NEGR1: variants seen among roughly 807,000 people sequenced by gnomAD.
NEGR1 encodes the protein IgLON family member 4.
A neutral mutation model predicts 40.9 loss-of-function variants in NEGR1; 10 were observed. The ratio of observed to expected loss-of-function variants is 0.24; its 90% confidence interval spans 0.15 to 0.42. NEGR1 has a LOEUF of 0.42. NEGR1 is among the 10% of genes least tolerant of loss of function. The probability of loss-of-function intolerance (pLI) is 1.00; values close to 1 mark genes in which losing one functional copy is unlikely to be tolerated. For synonymous variants in NEGR1, 185 were observed against 166.8 expected, an observed-to-expected ratio of 1.11 and a Z score of -0.84; for missense variants, 352 against 438.9, an observed-to-expected ratio of 0.80 and a Z score of 1.77.
intron 6 of NEGR1, among the ~76,000 whole-genome samples, chr1:71,535,373 T>G (rs1201459965): frequency 6.6e-6 from 1 of 151,790 alleles, no homozygotes; most frequent in East Asian, 2.0e-4. Context: ...CAAATAGCTA[T>G]CCCAATGAAC....
At chr1:71,698,254 CTG>C (rs1653553064) in intron 3 of NEGR1, 115 bp from the exon 4 acceptor site, 2 of 889,838 alleles carry the variant, frequency 2.2e-6, no homozygotes, top group Non-Finnish European at 3.4e-6. Flanking sequence ...CCAAATGAAA[CTG>C]GGGAATTATT....
At chr1:71,443,025 T>A (rs1039286281) in intron 6 of NEGR1, among the ~76,000 whole-genome samples, 3 of 152,216 alleles carry the variant, frequency 2.0e-5, no homozygotes, top group African/African-American at 7.2e-5. Context: ...GCAGAACTGA[T>A]TATTCTGCCT....
intron 1 of NEGR1, among the ~76,000 whole-genome samples, chr1:72,061,578 A>C (rs1293160132): frequency 4.0e-5 from 6 of 151,860 alleles, no homozygotes; most frequent in African/African-American, 1.4e-4. Context: ...CATATAGATT[A>C]ATTGAATGAA....
intron 1 of NEGR1, among the ~76,000 whole-genome samples, chr1:72,187,929 A>G (rs1652670151): frequency 6.6e-6 from 1 of 151,466 alleles, no homozygotes; most frequent in South Asian, 2.1e-4. Context: ...ACACTTTCTT[A>G]ACTTACATGT....
At chr1:71,983,943 T>A (rs1405292020) in intron 1 of NEGR1, among the ~76,000 whole-genome samples, 1 of 117,730 alleles carries the variant, frequency 8.5e-6, no homozygotes, top group Non-Finnish European at 2.0e-5. Context: ...CATGAAATTG[T>A]TCTACCAGTC....
chr1:71,953,354 C>A (rs940275184), intron 1 of NEGR1, among the ~76,000 whole-genome samples: 4 of 151,620 alleles, frequency 2.6e-5, no homozygotes, highest in African/African-American at 9.7e-5. Context: ...GAAGTGGAGC[C>A]TGAAGATGTG....
intron 1 of NEGR1, among the ~76,000 whole-genome samples, chr1:72,186,198 C>T (rs1181449244): frequency 1.3e-5 from 2 of 151,684 alleles, no homozygotes; most frequent in African/African-American, 2.4e-5. Flanking sequence ...CATTTGCCAC[C>T]TGTTGATTTG....
At chr1:71,754,572 C>G (rs1037352719) in intron 3 of NEGR1, among the ~76,000 whole-genome samples, 2 of 152,026 alleles carry the variant, frequency 1.3e-5, no homozygotes, top group African/African-American at 4.8e-5. Flanking sequence ...CTATCTGGAA[C>G]CCTAAACAGC....
chr1:71,483,138 C>T (rs1646865139), intron 6 of NEGR1, among the ~76,000 whole-genome samples: 1 of 150,860 alleles, frequency 6.6e-6, no homozygotes, highest in Admixed American at 6.6e-5. Flanking sequence ...GGGAAACAGC[C>T]AGTATATTTA....
intron 1 of NEGR1, among the ~76,000 whole-genome samples, chr1:71,986,344 G>A (rs980010321): frequency 1.3e-5 from 2 of 152,134 alleles, no homozygotes; most frequent in African/African-American, 4.8e-5. Flanking sequence ...ATTTGTCTTG[G>A]CTGAGTGAAT....
intron 2 of NEGR1, among the ~76,000 whole-genome samples, chr1:71,803,558 C>A (rs1036429868): frequency 6.6e-6 from 1 of 152,040 alleles, no homozygotes; most frequent in Non-Finnish European, 1.5e-5. Flanking sequence ...CTGACATTTC[C>A]GTGGCTCAGG....
At chr1:72,114,520 G>A (rs893824531) in intron 1 of NEGR1, among the ~76,000 whole-genome samples, 4 of 151,752 alleles carry the variant, frequency 2.6e-5, no homozygotes, top group African/African-American at 4.8e-5. Flanking sequence ...ATAGAGCTCC[G>A]TTTCTCTTAC....
chr1:71,843,759 C>T (rs517762), intron 2 of NEGR1, among the ~76,000 whole-genome samples: 122,923 of 152,094 alleles, frequency 0.81, 50,588 homozygotes, highest in African/African-American at 0.95. Flanking sequence ...TTTAAAAAAT[C>T]TGAAATTGAC....
chr1:72,232,016 G>A (rs1654382150), intron 1 of NEGR1, among the ~76,000 whole-genome samples: 1 of 152,026 alleles, frequency 6.6e-6, no homozygotes. Flanking sequence ...TCAACTCACA[G>A]CTACTGAATT....
chr1:72,038,088 T>C (rs1646918674), intron 1 of NEGR1, among the ~76,000 whole-genome samples: 1 of 152,120 alleles, frequency 6.6e-6, no homozygotes, highest in Non-Finnish European at 1.5e-5. Flanking sequence ...GGAAGTGATG[T>C]AGCAAGGCTT....
chr1:71,542,020 G>T, intron 6 of NEGR1, among the ~76,000 whole-genome samples: 1 of 151,706 alleles, frequency 6.6e-6, no homozygotes, highest in East Asian at 2.0e-4. Flanking sequence ...AAAATGTATT[G>T]TAACGGAGAC....
chr1:72,042,075 G>A (rs1646961784), intron 1 of NEGR1, among the ~76,000 whole-genome samples: 1 of 150,628 alleles, frequency 6.6e-6, no homozygotes, highest in African/African-American at 2.4e-5. Flanking sequence ...CCTATGGGGT[G>A]AATCTCCACC....
chr1:71,886,498 A>C (rs1570467853), intron 2 of NEGR1, among the ~76,000 whole-genome samples: 1 of 150,848 alleles, frequency 6.6e-6, no homozygotes, highest in African/African-American at 2.4e-5. Context: ...AGATGGAAGG[A>C]GGAATTGAGG....
At chr1:72,133,576 A>C (rs936623351) in intron 1 of NEGR1, among the ~76,000 whole-genome samples, 7 of 151,982 alleles carry the variant, frequency 4.6e-5, no homozygotes, top group Non-Finnish European at 1.0e-4. Context: ...TTAATTAAAA[A>C]AGTGACATTG....
Sources: gnomAD v4.1 joint callset for allele counts (sites outside exome capture counted in the v4.1 genomes callset) on GRCh38, gnomAD v4.1.1 for gene constraint, MANE v1.5 for transcripts, NCBI Gene and HGNC (gene_info 2026-07-23, HGNC 2026-07-21) for gene names.